CYP3A43: variants seen among roughly 807,000 people sequenced by gnomAD.
CYP3A43 encodes the protein cytochrome P450 family 3 subfamily A member 43, also known as cytochrome P450 3A43.
CYP3A43 carries 45 observed loss-of-function variants against 58.0 expected under a neutral mutation model. The ratio of observed to expected loss-of-function variants is 0.78; its 90% CI spans 0.61 to 0.99. The LOEUF is 0.99. Among genes scored for constraint, CYP3A43 ranks in the 50% least tolerant of loss-of-function variants. The pLI is 0.00. For synonymous variants in CYP3A43, 191 were observed against 201.4 expected (o/e 0.95, Z 0.44); for missense variants, 593 against 591.9 (o/e 1.00, Z -0.02).
intron 6 of CYP3A43, among the ~76,000 whole-genome samples, chr7:99,848,552 G>T (rs572896798): frequency 7.2e-5 from 11 of 152,154 alleles, no homozygotes; most frequent in Non-Finnish European, 1.6e-4. Flanking sequence ...AAACCTGATT[G>T]TACTAAAGTT....
chr7:99,855,410 CA>C, intron 7 of CYP3A43, 180 bp from the exon 8 acceptor site: 3 of 701,798 alleles, frequency 4.3e-6, no homozygotes, highest in South Asian at 4.1e-5. Context: ...TGCTCTTGCT[CA>C]GCCATTGGCA....
chr7:99,840,914 C>G (rs913641083), intron 3 of CYP3A43, among the ~76,000 whole-genome samples: 1 of 152,214 alleles, frequency 6.6e-6, no homozygotes, highest in Non-Finnish European at 1.5e-5. Context: ...TTTTATCACT[C>G]TAACCAATTG....
At chr7:99,844,310 T>G in intron 4 of CYP3A43, 68 bp downstream of exon 4, 1 of 1,494,354 alleles carries the variant, frequency 6.7e-7, no homozygotes, top group South Asian at 1.2e-5. Flanking sequence ...TCATGGAAAC[T>G]TGCCCAGAAA....
intron 1 of CYP3A43, among the ~76,000 whole-genome samples, chr7:99,829,265 C>A (rs1179508158): frequency 6.6e-6 from 1 of 152,142 alleles, no homozygotes; most frequent in African/African-American, 2.4e-5. Context: ...ATGCTGCCAA[C>A]AAAAAGAGCC....
intron 3 of CYP3A43, among the ~76,000 whole-genome samples, chr7:99,840,928 C>T (rs1309285438): frequency 6.6e-6 from 1 of 152,184 alleles, no homozygotes; most frequent in Non-Finnish European, 1.5e-5. Flanking sequence ...CCAATTGGCT[C>T]ATGTGCTGAG....
Position 99,859,983 on chromosome 7 carries a change from C to G in CYP3A43, c.1019C>G (p.Pro340Arg), listed in dbSNP as rs1818163794. Residue 340 changes from proline (P) to arginine (R), a missense_variant, in exon 10 of 13, where the codon CCC becomes CGC. Transcript: ENST00000354829. The stretch of plus-strand genomic sequence containing the variant: ...CAGGAGGAGATTGACGCAGTTTTAC[C>G]CAATAAGGTAAGGGGATGATCCCCT... ...KLQEEIDAVL[P>R]NKAPVTYDAL... The G allele has an allele frequency of 1.2e-6, 2 of 1,600,364 alleles. No individual in the cohort carries two copies. The highest frequency in any genetic ancestry group is 2.7e-5 in the African/African-American group (2 of 74,484).
intron 3 of CYP3A43, among the ~76,000 whole-genome samples, chr7:99,839,950 G>C (rs1395660342): frequency 6.6e-6 from 1 of 152,192 alleles, no homozygotes; most frequent in African/African-American, 2.4e-5. Flanking sequence ...CTGGCACCAT[G>C]TTGCCTGCTT....
intron 4 of CYP3A43, among the ~76,000 whole-genome samples, chr7:99,844,791 C>T (rs749809077): frequency 6.6e-6 from 1 of 152,164 alleles, no homozygotes; most frequent in African/African-American, 2.4e-5. Flanking sequence ...TGGTTTAAGG[C>T]TGGGTGCGGT....
At position 99,861,627 on chromosome 7, in the gene CYP3A43, C is replaced by A; in HGVS notation, c.1041C>A (p.Tyr347Ter). The change falls in exon 11 of 13, where the codon TAC (tyrosine) becomes TAA (stop). Residue 347 changes from tyrosine to a stop codon, truncating the protein, a stop_gained. Coordinates refer to ENST00000354829, the MANE Select transcript of CYP3A43 (RefSeq NM_057095.3). LOFTEE classifies it high-confidence loss of function. ...TTTCTTCCCAGGCACCTGTCACCTA[C>A]GATGCCCTGGTACAGATGGAGTACC... is the stretch of plus-strand genomic sequence containing the variant. ...AVLPNKAPVT[Y>*]DALVQMEYLD... The A allele has an allele frequency of 6.2e-7, 1 of 1,613,962 alleles. No homozygotes were observed. The highest frequency in any genetic ancestry group is 8.5e-7 in the Non-Finnish European group (1 of 1,179,908).
intron 7 of CYP3A43, 42 bp downstream of exon 7, chr7:99,849,736 C>T: frequency 6.7e-7 from 1 of 1,492,128 alleles, no homozygotes; most frequent in South Asian, 1.4e-5. Context: ...CTCTCTCTCT[C>T]ATCTAATTTT....
intron 9 of CYP3A43, among the ~76,000 whole-genome samples, chr7:99,857,431 T>C (rs1341173028): frequency 6.6e-6 from 1 of 152,192 alleles, no homozygotes; most frequent in African/African-American, 2.4e-5. Context: ...ATGGATGGTT[T>C]TGACTGAAAC....
chr7:99,843,207 A>C (rs1041984340), intron 3 of CYP3A43, among the ~76,000 whole-genome samples: 1 of 152,006 alleles, frequency 6.6e-6, no homozygotes, highest in African/African-American at 2.4e-5. Context: ...CATTTGCCTC[A>C]CTACCTACAC....
intron 2 of CYP3A43, among the ~76,000 whole-genome samples, chr7:99,837,328 A>AAAG (rs1400258406): frequency 6.6e-6 from 1 of 151,468 alleles, no homozygotes; most frequent in Non-Finnish European, 1.5e-5. Context: ...CAAAAAAAAA[A>AAAG]AAAAAAAGAA....
At chr7:99,857,836 C>T (rs573090539) in intron 9 of CYP3A43, among the ~76,000 whole-genome samples, 1 of 152,104 alleles carries the variant, frequency 6.6e-6, no homozygotes, top group African/African-American at 2.4e-5. Flanking sequence ...GAGTGAGACT[C>T]CATCTCAAAA....
chr7:99,851,119 C>T (rs1218911660), intron 7 of CYP3A43, among the ~76,000 whole-genome samples: 1 of 151,024 alleles, frequency 6.6e-6, no homozygotes, highest in Non-Finnish European at 1.5e-5. Context: ...GAGCTGAGAT[C>T]GCACCACTGC....
At chr7:99,831,559 C>G (rs1404996026) in intron 1 of CYP3A43, among the ~76,000 whole-genome samples, 1 of 152,188 alleles carries the variant, frequency 6.6e-6, no homozygotes, top group African/African-American at 2.4e-5. Context: ...CTCTCTTTTT[C>G]CTCCAGTCTT....
At chr7:99,862,020 C>G (rs1818258290) in intron 11 of CYP3A43, among the ~76,000 whole-genome samples, 181 bp downstream of exon 11, 2 of 152,138 alleles carry the variant, frequency 1.3e-5, no homozygotes, top group Non-Finnish European at 2.9e-5. Context: ...TATAACAACC[C>G]TCATTAACTA....
Position 99,836,486 on chromosome 7 carries a change from G to A in CYP3A43, c.105G>A (p.Lys35=). The part of the protein sequence containing the change: ...YGTHSHKLFK[K]LGIPGPTPLP... ...CCCATTCACATAAACTTTTTAAGAA[G>A]CTGGGAATTCCTGGGCCAACCCCTC... is the stretch of plus-strand genomic sequence containing the variant. The change falls in exon 2 of 13, where the codon AAG becomes AAA. Residue 35 remains lysine (K), a synonymous_variant. Transcript: ENST00000354829. 4 of 1,610,760 alleles carry A rather than the reference G, an allele frequency of 2.5e-6. No homozygotes were observed. The highest frequency in any genetic ancestry group is 3.4e-6 in the Non-Finnish European group (4 of 1,179,294).
chr7:99,843,677 G>A (rs2151601699), intron 3 of CYP3A43, among the ~76,000 whole-genome samples: 1 of 152,068 alleles, frequency 6.6e-6, no homozygotes, highest in Non-Finnish European at 1.5e-5. Flanking sequence ...TGTTGGCCAG[G>A]CTTGTCTCGA....
Sources: allele counts gnomAD v4.1 joint callset (sites outside exome capture counted in the v4.1 genomes callset), GRCh38; gene constraint gnomAD v4.1.1; transcripts MANE v1.5; gene names NCBI Gene and HGNC (gene_info 2026-07-23, HGNC 2026-07-21).